CSMD2: variants seen among roughly 807,000 people sequenced by gnomAD.
CSMD2 encodes CUB and sushi domain-containing protein 2.
Under a neutral mutation model 398.5 loss-of-function variants are expected in CSMD2, and 130 were observed. The ratio of observed to expected loss-of-function variants is 0.33; its 90% CI spans 0.28 to 0.38. The LOEUF (loss-of-function observed/expected upper bound fraction) is 0.38, where lower values mean the gene tolerates loss of function less well. Among genes scored for constraint, CSMD2 ranks in the 10% least tolerant of loss-of-function variants. The pLI, the probability that CSMD2 is intolerant of heterozygous loss-of-function variation, is 1.00. For synonymous variants in CSMD2, 1,828 were observed against 1,908.5 expected (o/e 0.96, Z 1.10); for missense variants, 3,829 against 4,764.9 (o/e 0.80, Z 5.78).
At chr1:33,706,825 T>G (rs968151018) in intron 22 of CSMD2, among the ~76,000 whole-genome samples, 2 of 150,294 alleles carry the variant, frequency 1.3e-5, no homozygotes, top group Non-Finnish European at 2.9e-5. Context: ...TGTGCGTGCG[T>G]GTGTATGTGT....
intron 12 of CSMD2, among the ~76,000 whole-genome samples, chr1:33,785,323 A>G (rs987420425): frequency 3.3e-5 from 5 of 151,096 alleles, no homozygotes; most frequent in Non-Finnish European, 5.9e-5. Flanking sequence ...ACTGGGGCAA[A>G]GCTTTGGCTT....
intron 15 of CSMD2, among the ~76,000 whole-genome samples, chr1:33,730,880 T>G (rs566609519): frequency 6.6e-6 from 1 of 152,206 alleles, no homozygotes; most frequent in South Asian, 2.1e-4. Flanking sequence ...CCTAGCTGTG[T>G]TCATTGAAAA....
At position 33,554,992 on chromosome 1, in the gene CSMD2, C is replaced by T. The variant is rs934220607; in HGVS notation, c.8743+2742G>A. On this transcript the variant is annotated intron_variant, in intron 55 of 70. Coordinates refer to ENST00000373381, the MANE Select transcript of CSMD2 (RefSeq NM_001281956.2). Reference sequence around the variant, plus strand: ...TTCAAGTCTTATTATGTAAGAAATACATTTCATAAGGCTATAGCTTCCACA... The same window carrying T: ...TTCAAGTCTTATTATGTAAGAAATATATTTCATAAGGCTATAGCTTCCACA... 2.0e-5 allele frequency among the ~76,000 whole-genome samples: 3 copies of T among 152,168 alleles called. No homozygotes were observed. The South Asian group carries it at 6.2e-4, about 32-fold the overall frequency.
chr1:33,550,241 C>A lies in CSMD2; in HGVS notation c.8853G>T (p.Val2951=). The change falls in exon 56 of 71, where the codon GTG becomes GTT. Residue 2951 remains valine (V), a synonymous_variant. Transcript: ENST00000373381. ...GCCCACACATGCGGGTGCTGTTTCC[C>A]ACCAGAGTACGCTTGCCGATGCAGC... ...RYSCIGKRTL[V]GNSTRMCGLD... 1 of 1,614,218 alleles carries A rather than the reference C, an allele frequency of 6.2e-7. No individual in the cohort carries two copies. The highest frequency in any genetic ancestry group is 8.5e-7 in the Non-Finnish European group (1 of 1,180,040).
chr1:33,756,532 A>G (rs1327061635), intron 13 of CSMD2, among the ~76,000 whole-genome samples: 1 of 152,242 alleles, frequency 6.6e-6, no homozygotes, highest in Non-Finnish European at 1.5e-5. Flanking sequence ...TAAGGAACCA[A>G]TCATTCTAAG....
At chr1:34,155,130 T>C (rs529442195) in intron 1 of CSMD2, among the ~76,000 whole-genome samples, 16 of 152,244 alleles carry the variant, frequency 1.1e-4, no homozygotes, top group Admixed American at 2.6e-4. Context: ...GAGGCAAACT[T>C]TGTAAATAAG....
intron 14 of CSMD2, among the ~76,000 whole-genome samples, chr1:33,741,753 G>A (rs557940435): frequency 3.9e-5 from 6 of 152,252 alleles, no homozygotes; most frequent in African/African-American, 7.2e-5. Flanking sequence ...GTCTGCTGCC[G>A]TCATGATGAA....
chr1:33,635,303 G>A lies in CSMD2; in HGVS notation c.4997C>T (p.Ser1666Leu), dbSNP rs1318907091. The change falls in exon 31 of 71, where the codon TCG becomes TTG. Residue 1666 changes from serine to leucine, a missense_variant. Ser to Leu is a moderately radical substitution (Grantham distance 145). Coordinates refer to ENST00000373381, the MANE Select transcript of CSMD2 (RefSeq NM_001281956.2). This position sits in a 1 kb window ranked among gnomAD's most constrained non-coding sequence, Gnocchi z 5.0. The stretch of plus-strand genomic sequence containing the variant: ...GTTGGGGGACAAGACCACTCCGTCC[G>A]AACCCACATACTGTCCCCCACAGGG... ...TAPCGGQYVG[S>L]DGVVLSPNYP... 4 of 1,612,388 alleles carry A rather than the reference G, an allele frequency of 2.5e-6. No homozygotes were observed. Among genetic ancestry groups the A allele is most frequent in the East Asian group, 2.2e-5 (1 of 44,846 alleles).
chr1:33,902,614 CT>C (rs971214174), intron 5 of CSMD2, among the ~76,000 whole-genome samples: 1 of 152,126 alleles, frequency 6.6e-6, no homozygotes, highest in African/African-American at 2.4e-5. Flanking sequence ...ATCCCTGCAC[CT>C]TTTTTTCTGG....
At chr1:34,143,235 C>G (rs1639464672) in intron 1 of CSMD2, among the ~76,000 whole-genome samples, 1 of 152,254 alleles carries the variant, frequency 6.6e-6, no homozygotes. Flanking sequence ...ACTGGCACCT[C>G]ACGGGTCCCA....
chr1:33,681,777 C>A (rs1206568752), intron 25 of CSMD2, among the ~76,000 whole-genome samples: 1 of 152,100 alleles, frequency 6.6e-6, no homozygotes, highest in Non-Finnish European at 1.5e-5. Flanking sequence ...ACCAGCCTGG[C>A]AAACATGATG....
chr1:33,597,469 G>A lies in CSMD2; in HGVS notation c.6856+3396C>T, dbSNP rs543590845. Among the ~76,000 whole-genome samples, 24 of 152,336 alleles carry A rather than the reference G, an allele frequency of 1.6e-4. 1 individual carries two copies. In the South Asian group the frequency reaches 4.8e-3, roughly 30 times the overall value. On this transcript the variant is annotated intron_variant, in intron 44 of 70. Coordinates refer to ENST00000373381, the MANE Select transcript of CSMD2 (RefSeq NM_001281956.2). ...GAGCAGGAAAGCTGTCTGGGGAGCA[G>A]ACATTTCACAGAGCAGGAAGCATGA...
chr1:34,137,486 A>C (rs1183899148), intron 1 of CSMD2, among the ~76,000 whole-genome samples: 2 of 152,118 alleles, frequency 1.3e-5, no homozygotes, highest in African/African-American at 2.4e-5. Flanking sequence ...GAGTAAACAC[A>C]TCAGGCTCAA....
At chr1:33,551,905 G>C (rs188539040) in intron 55 of CSMD2, among the ~76,000 whole-genome samples, 1 of 152,116 alleles carries the variant, frequency 6.6e-6, no homozygotes, top group Non-Finnish European at 1.5e-5. Flanking sequence ...CAGAGACTAC[G>C]GAATGACAAG....
At chr1:33,616,391 C>T (rs904233840) in intron 39 of CSMD2, among the ~76,000 whole-genome samples, 2 of 152,170 alleles carry the variant, frequency 1.3e-5, no homozygotes, top group African/African-American at 4.8e-5. Flanking sequence ...GTGTGTGCCA[C>T]CACATCTGCC....
At position 33,537,346 on chromosome 1, in the gene CSMD2, AGACAG is replaced by A; in HGVS notation, c.9805+85_9805+89del. ...TCCCTTTTGCAGATGAGACCACTGAAGACAGGGAAGGAAAGTAATCATCTCAGGCC... is the reference window on the plus strand; with the variant it reads ...TCCCTTTTGCAGATGAGACCACTGAAGGAAGGAAAGTAATCATCTCAGGCC... On this transcript the variant is annotated intron_variant, in intron 61 of 70. Coordinates refer to ENST00000373381, the MANE Select transcript of CSMD2 (RefSeq NM_001281956.2). The surrounding 1 kb of genome is among the most constrained non-coding windows in gnomAD (Gnocchi z 4.6). 1 of 1,393,962 alleles carries A rather than the reference AGACAG, an allele frequency of 7.2e-7. No homozygotes were observed. The highest frequency in any genetic ancestry group is 9.9e-7 in the Non-Finnish European group (1 of 1,013,796). The allele number at this position is 1,393,962 out of a possible 1,614,324, so 86.3% of individuals were successfully genotyped here.
intron 5 of CSMD2, among the ~76,000 whole-genome samples, chr1:33,858,091 G>T (rs2125105784): frequency 6.6e-6 from 1 of 152,264 alleles, no homozygotes; most frequent in Middle Eastern, 3.4e-3. Context: ...CATTGGGCTG[G>T]GTGCTGACAC....
chr1:34,091,399 C>A (rs1005181265), intron 1 of CSMD2, among the ~76,000 whole-genome samples: 1 of 152,170 alleles, frequency 6.6e-6, no homozygotes, highest in African/African-American at 2.4e-5. Context: ...TTACTATCAT[C>A]TCCATTTTAC....
At chr1:33,673,123 AC>A (rs1644572801) in intron 25 of CSMD2, among the ~76,000 whole-genome samples, 1 of 152,248 alleles carries the variant, frequency 6.6e-6, no homozygotes, top group Non-Finnish European at 1.5e-5. Flanking sequence ...AATGACTTTG[AC>A]GAGTTGAGAG....
Sources: gnomAD v4.1 joint callset for allele counts (sites outside exome capture counted in the v4.1 genomes callset) on GRCh38, gnomAD v4.1.1 for gene constraint, Gnocchi (gnomAD v3.1) non-coding constraint, MANE v1.5 for transcripts, NCBI Gene and HGNC (gene_info 2026-07-23, HGNC 2026-07-21) for gene names.